TRPC1: variants seen among roughly 807,000 people sequenced by gnomAD.
TRPC1 encodes transient receptor potential cation channel subfamily C member 1.
Under a neutral mutation model 88.2 loss-of-function variants are expected in TRPC1, and 42 were observed. The observed-to-expected ratio is 0.48, with a 90% CI of 0.37 to 0.62. The LOEUF (loss-of-function observed/expected upper bound fraction) is 0.62. TRPC1 is among the 20% of genes least tolerant of loss of function. The probability of loss-of-function intolerance (pLI) is 0.00; values close to 1 mark genes in which losing one functional copy is unlikely to be tolerated. For synonymous variants in TRPC1, 288 were observed against 331.8 expected (o/e 0.87, Z 1.43); for missense variants, 699 against 957.3 (o/e 0.73, Z 3.56).
chr3:142,765,921 C>G (rs1391166953), intron 4 of TRPC1, among the ~76,000 whole-genome samples: 1 of 151,872 alleles, frequency 6.6e-6, no homozygotes, highest in African/African-American at 2.4e-5. Flanking sequence ...AGAAGACATA[C>G]ATGTGGCCAA....
intron 4 of TRPC1, among the ~76,000 whole-genome samples, chr3:142,760,036 C>A (rs1175093540): frequency 2.6e-5 from 4 of 151,944 alleles, no homozygotes; most frequent in Admixed American, 6.6e-5. Flanking sequence ...CTGTGTTAGC[C>A]AGGATGGTCT....
chr3:142,741,260 T>A (rs2108031035), intron 2 of TRPC1, among the ~76,000 whole-genome samples: 1 of 150,586 alleles, frequency 6.6e-6, no homozygotes, highest in South Asian at 2.1e-4. Context: ...AACATACCAT[T>A]TGTGCAGAAT....
chr3:142,732,309 GA>G (rs1179796952), intron 1 of TRPC1, among the ~76,000 whole-genome samples: 2 of 152,064 alleles, frequency 1.3e-5, no homozygotes, highest in African/African-American at 4.8e-5. Flanking sequence ...GTGTTGGCTG[GA>G]ACAAAAGTAA....
chr3:142,754,740 G>C (rs142622968), intron 4 of TRPC1, among the ~76,000 whole-genome samples: 2 of 152,048 alleles, frequency 1.3e-5, no homozygotes, highest in Non-Finnish European at 2.9e-5. Flanking sequence ...TGTTGGCTGG[G>C]GTCATGTTAG....
chr3:142,765,375 G>C (rs565186291), intron 4 of TRPC1, among the ~76,000 whole-genome samples: 1 of 152,018 alleles, frequency 6.6e-6, no homozygotes, highest in Non-Finnish European at 1.5e-5. Flanking sequence ...GCAATCTTAA[G>C]CAAAAAGAAC....
chr3:142,748,081 TAG>T (rs762013878), intron 3 of TRPC1, among the ~76,000 whole-genome samples, 175 bp from the exon 4 acceptor site: 1 of 152,176 alleles, frequency 6.6e-6, no homozygotes, highest in Non-Finnish European at 1.5e-5. Flanking sequence ...ATTTATTAAT[TAG>T]AGTTAAGTTT....
intron 10 of TRPC1, 51 bp downstream of exon 10, chr3:142,802,395 A>G: frequency 2.5e-6 from 2 of 808,750 alleles, no homozygotes; most frequent in Non-Finnish European, 3.5e-6. Flanking sequence ...TTTTTTTTTT[A>G]CCATCTTCTA....
Position 142,748,331 on chromosome 3 carries a change from A to T in TRPC1, c.503A>T (p.His168Leu). 3 of 1,614,128 alleles carry T rather than the reference A, an allele frequency of 1.9e-6. No individual in the cohort carries two copies. Among genetic ancestry groups the T allele is most frequent in the East Asian group, 2.2e-5 (1 of 44,874 alleles). ...GTTGCACCTGTCATTTTAGCTGCTCATCGTAACAACTATGAAATTCTTACA... is the reference window on the plus strand; with the variant it reads ...GTTGCACCTGTCATTTTAGCTGCTCTTCGTAACAACTATGAAATTCTTACA... ...MDVAPVILAAHRNNYEILTML... is the reference protein window; with the variant it reads ...MDVAPVILAALRNNYEILTML... The change falls in exon 4 of 13, where the codon CAT becomes CTT. Residue 168 changes from histidine to leucine, a missense_variant. By Grantham distance (99) the His-to-Leu change is moderately conservative. Around this residue, in one of 4 missense-constraint regions of TRPC1, gnomAD observed 426 missense variants for 641.3 expected, o/e 0.66. Coordinates refer to ENST00000476941, the MANE Select transcript of TRPC1 (RefSeq NM_001251845.2).
intron 9 of TRPC1, among the ~76,000 whole-genome samples, chr3:142,797,666 C>T (rs1047134834): frequency 1.3e-5 from 2 of 151,980 alleles, no homozygotes; most frequent in East Asian, 1.9e-4. Context: ...GTCTGTGAGC[C>T]TCAGTTTCTT....
At position 142,792,485 on chromosome 3, in the gene TRPC1, A is replaced by C. The variant is rs921639111; in HGVS notation, c.1438-339A>C. Among the ~76,000 whole-genome samples, 3 of 152,064 alleles carry C rather than the reference A, an allele frequency of 2.0e-5. No homozygotes were observed. Among genetic ancestry groups the C allele is most frequent in the Admixed American group, 6.6e-5 (1 of 15,250 alleles). The stretch of plus-strand genomic sequence containing the variant: ...ATATGATAGGGAATTAATTGACAGC[A>C]CATGTACTTAACGTTTGTGTTGTGG... On this transcript the variant is annotated intron_variant, in intron 8 of 12. Coordinates refer to ENST00000476941, the MANE Select transcript of TRPC1 (RefSeq NM_001251845.2). This position sits in a 1 kb window ranked among gnomAD's most constrained non-coding sequence, Gnocchi z 4.0.
At chr3:142,745,504 C>T (rs772798478) in intron 3 of TRPC1, among the ~76,000 whole-genome samples, 3 of 152,046 alleles carry the variant, frequency 2.0e-5, no homozygotes, top group African/African-American at 2.4e-5. Flanking sequence ...ATTAGCCGGG[C>T]GTGGTGCCGT....
At chr3:142,766,109 A>C (rs1056239379) in intron 4 of TRPC1, among the ~76,000 whole-genome samples, 3 of 152,234 alleles carry the variant, frequency 2.0e-5, no homozygotes, top group African/African-American at 4.8e-5. Context: ...ACATCAATAT[A>C]ACTCTGTACT....
chr3:142,726,213 T>C (rs972378257), intron 1 of TRPC1, among the ~76,000 whole-genome samples: 2 of 152,092 alleles, frequency 1.3e-5, no homozygotes, highest in Admixed American at 6.5e-5. Context: ...CACTGTGCAA[T>C]GGTTATTTTA....
chr3:142,765,420 TA>T (rs1935348360), intron 4 of TRPC1, among the ~76,000 whole-genome samples: 1 of 152,124 alleles, frequency 6.6e-6, no homozygotes. Flanking sequence ...GACTTCAAAC[TA>T]TACCACAAGG....
intron 4 of TRPC1, among the ~76,000 whole-genome samples, chr3:142,764,017 A>AT (rs1560105103): frequency 1.7e-4 from 18 of 108,848 alleles, no homozygotes; most frequent in African/African-American, 7.6e-4. Context: ...TATATATATA[A>AT]CAAATTATTT....
In TRPC1 at chr3:142,736,394, T is replaced by A; in HGVS notation, c.188T>A (p.Val63Asp). ...TGTTATTTAGGTGACTATTATATGG[T>A]TAAAAAGATTTTGGAGGAAAACAGT... is the stretch of plus-strand genomic sequence containing the variant. ...LACDKGDYYMVKKILEENSSG... is the reference protein window; with the variant it reads ...LACDKGDYYMDKKILEENSSG... Residue 63 changes from valine to aspartate, a missense_variant, in exon 2 of 13, where the codon GTT (valine) becomes GAT (aspartate). Val to Asp is a radical substitution (Grantham distance 152, BLOSUM62 -3). Around this residue, in one of 4 missense-constraint regions of TRPC1, gnomAD observed 157 missense variants for 127.0 expected, o/e 1.24. Transcript: ENST00000476941. The A allele has an allele frequency of 6.2e-7, 1 of 1,607,232 alleles. No homozygotes were observed. The highest frequency in any genetic ancestry group is 8.5e-7 in the Non-Finnish European group (1 of 1,177,450).
chr3:142,780,054 G>A (rs766106489), intron 5 of TRPC1, among the ~76,000 whole-genome samples: 14 of 151,932 alleles, frequency 9.2e-5, no homozygotes, highest in Non-Finnish European at 1.6e-4. Flanking sequence ...TTGCCATGTT[G>A]GCCAGGCTGG....
intron 1 of TRPC1, among the ~76,000 whole-genome samples, chr3:142,725,856 T>G (rs1430071261): frequency 6.6e-6 from 1 of 152,198 alleles, no homozygotes; most frequent in Non-Finnish European, 1.5e-5. Context: ...AGGATTTTAT[T>G]TACATGATTT....
chr3:142,795,178 A>G (rs969103845), intron 9 of TRPC1, among the ~76,000 whole-genome samples: 2 of 152,126 alleles, frequency 1.3e-5, no homozygotes, highest in Admixed American at 6.6e-5. Context: ...AATGGAGAAG[A>G]AAGAATTTTT....
Sources: allele counts gnomAD v4.1 joint callset (sites outside exome capture counted in the v4.1 genomes callset), GRCh38; gene constraint gnomAD v4.1.1; regional missense constraint gnomAD v4.1.1; non-coding constraint Gnocchi (gnomAD v3.1); transcripts MANE v1.5; gene names NCBI Gene and HGNC (gene_info 2026-07-23, HGNC 2026-07-21).